The following ZNFX1 variants were observed in gnomAD, a reference collection of about 807,000 sequenced individuals.
ZNFX1 encodes the protein NFX1-type zinc finger-containing protein 1.
Under a neutral mutation model 179.8 loss-of-function variants are expected in ZNFX1, and 78 were observed. The ratio of observed to expected loss-of-function variants is 0.43; its 90% confidence interval spans 0.36 to 0.52. The LOEUF (loss-of-function observed/expected upper bound fraction) is 0.52, where lower values mean the gene tolerates loss of function less well. Ranked by LOEUF, ZNFX1 falls within the 20% of genes least tolerant of loss-of-function variation. The pLI is 0.00. For missense variants in ZNFX1, 1,927 were observed against 2,386.6 expected (o/e 0.81, Z 4.01); for synonymous variants, 848 against 868.5 (o/e 0.98, Z 0.42).
In ZNFX1 at chr20:49,248,715, T is replaced by G. The variant is rs1980747189; in HGVS notation, c.4309A>C (p.Thr1437Pro). 1 of 1,612,788 alleles carries G rather than the reference T, an allele frequency of 6.2e-7. No individual in the cohort carries two copies. Among genetic ancestry groups the G allele is most frequent in the Non-Finnish European group, 8.5e-7 (1 of 1,180,036 alleles). ...LLVKCTTKCG[T>P]ILDCGHPCPG... ...CAAGGATGCCCGCAGTCCAAGATAGTGCCACACTTTGTGGTACACTTGACT... is the reference window on the plus strand; with the variant it reads ...CAAGGATGCCCGCAGTCCAAGATAGGGCCACACTTTGTGGTACACTTGACT... Residue 1437 changes from threonine (T) to proline (P), a missense_variant, in exon 14 of 14, where the codon ACT becomes CCT. By Grantham distance (38) the Thr-to-Pro change is conservative. Coordinates refer to ENST00000396105, the MANE Select transcript of ZNFX1 (RefSeq NM_021035.3). The surrounding 1 kb of genome is among the most constrained non-coding windows in gnomAD (Gnocchi z 4.6).
At chr20:49,260,855 C>T (rs1981096324) in intron 6 of ZNFX1, among the ~76,000 whole-genome samples, 1 of 151,886 alleles carries the variant, frequency 6.6e-6, no homozygotes, top group Admixed American at 6.6e-5. Context: ...CTGAGGCAGG[C>T]GGATCACCTG....
At chr20:49,273,325 G>A (rs1354081086) in intron 2 of ZNFX1, among the ~76,000 whole-genome samples, 1 of 151,792 alleles carries the variant, frequency 6.6e-6, no homozygotes, top group Non-Finnish European at 1.5e-5. Flanking sequence ...GTAGAGATGG[G>A]GTTTCACCAT....
chr20:49,257,323 G>T (rs1980992303), intron 8 of ZNFX1, 94 bp downstream of exon 8: 1 of 1,528,632 alleles, frequency 6.5e-7, no homozygotes, highest in South Asian at 1.2e-5. Context: ...TTAGCTAATT[G>T]TAATGGTGAA....
In ZNFX1 at chr20:49,248,615, A is replaced by G. The variant is rs2146727301; in HGVS notation, c.4409T>C (p.Ile1470Thr). The stretch of plus-strand genomic sequence containing the variant: ...TGGTTCCTGGCACTTGTGTGAGCAG[A>G]TAAGCAGGCGCTTGCAGGGCTGCTG... ...RCQQPCKRLL[I>T]CSHKCQEPCI... Residue 1470 changes from isoleucine (I) to threonine (T), a missense_variant, in exon 14 of 14, where the codon ATC (isoleucine) becomes ACC (threonine). Ile to Thr is a moderately conservative substitution (Grantham distance 89). Coordinates refer to ENST00000396105, the MANE Select transcript of ZNFX1 (RefSeq NM_021035.3). This position sits in a 1 kb window ranked among gnomAD's most constrained non-coding sequence, Gnocchi z 4.6. 1 of 1,614,110 alleles carries G rather than the reference A, an allele frequency of 6.2e-7. No homozygotes were observed. The highest frequency in any genetic ancestry group is 2.2e-5 in the East Asian group (1 of 44,880).
In ZNFX1 at chr20:49,247,015, C is replaced by T; in HGVS notation, c.*252G>A. The stretch of plus-strand genomic sequence containing the variant: ...TCCCAAGTAGCTGGGATTACAGGCG[C>T]CCGCCATAACGCCCAGCTAATTTTT... On this transcript the variant is annotated 3_prime_UTR_variant, in exon 14 of 14. Transcript: ENST00000396105. 1 of 461,878 alleles carries T rather than the reference C, an allele frequency of 2.2e-6. No individual in the cohort carries two copies. Among genetic ancestry groups the T allele is most frequent in the African/African-American group, 2.0e-5 (1 of 50,290 alleles). 28.6% of individuals were successfully genotyped at this position (461,878 alleles called of 1,614,324 possible).
In ZNFX1 at chr20:49,270,239, C is replaced by A; in HGVS notation, c.1573G>T (p.Val525Phe). ...TGGAAGGGAACATCTTCCTCCTGGA[C>A]CTCCTGGAGTCCTTCCAGGACGTGC... ...YRHVLEGLQE[V>F]QEEDVPFQRN... The change falls in exon 3 of 14, where the codon GTC (valine) becomes TTC (phenylalanine). Residue 525 changes from valine (V) to phenylalanine (F), a missense_variant. Physicochemically the swap from Val to Phe is conservative, Grantham distance 50. Coordinates refer to ENST00000396105, the MANE Select transcript of ZNFX1 (RefSeq NM_021035.3). This position sits in a 1 kb window ranked among gnomAD's most constrained non-coding sequence, Gnocchi z 4.6. 1.2e-6 allele frequency: 2 copies of A among 1,614,052 alleles called. No homozygotes were observed. Among genetic ancestry groups the A allele is most frequent in the Non-Finnish European group, 1.7e-6 (2 of 1,180,032 alleles).
At chr20:49,261,277 T>C (rs1168405871) in intron 6 of ZNFX1, among the ~76,000 whole-genome samples, 1 of 152,076 alleles carries the variant, frequency 6.6e-6, no homozygotes, top group African/African-American at 2.4e-5. Context: ...TAGGCTGTAC[T>C]ATTCACAACA....
chr20:49,262,396 GA>G (rs1981135429), intron 6 of ZNFX1, among the ~76,000 whole-genome samples: 1 of 121,092 alleles, frequency 8.3e-6, no homozygotes, highest in Admixed American at 1.0e-4. Context: ...GAGAGAGTGA[GA>G]ACTCTGTCTC....
In ZNFX1 at chr20:49,248,136, G is replaced by C; in HGVS notation, c.4888C>G (p.Leu1630Val). Residue 1630 changes from leucine to valine, a missense_variant, in exon 14 of 14, where the codon CTG becomes GTG. By Grantham distance (32) the Leu-to-Val change is conservative. Transcript: ENST00000396105. This position sits in a 1 kb window ranked among gnomAD's most constrained non-coding sequence, Gnocchi z 4.6. ...PICQVPIRKN[L>V]RYGTSIKQRL... ...TGTTTTATGCTAGTTCCATACCTCA[G>C]GTTTTTGCGGATGGGCACCTGGCAG... 6.2e-7 allele frequency: 1 copy of C among 1,614,134 alleles called. No homozygotes were observed. The highest frequency in any genetic ancestry group is 8.5e-7 in the Non-Finnish European group (1 of 1,180,020).
chr20:49,263,514 G>A (rs1459686598), intron 5 of ZNFX1, 31 bp from the exon 6 acceptor site: 1 of 1,554,216 alleles, frequency 6.4e-7, no homozygotes, highest in Non-Finnish European at 8.7e-7. Context: ...GAAATGATGA[G>A]GAAATATCAT....
chr20:49,260,144 C>T (rs563996349), intron 7 of ZNFX1, among the ~76,000 whole-genome samples: 3 of 152,068 alleles, frequency 2.0e-5, no homozygotes, highest in South Asian at 2.1e-4. Flanking sequence ...ATTAGCTGCG[C>T]GTGGTGGCAC....
At chr20:49,253,836 G>C (rs548280847) in intron 10 of ZNFX1, 25 bp from the exon 11 acceptor site, 22 of 1,612,198 alleles carry the variant, frequency 1.4e-5, no homozygotes, top group African/African-American at 5.3e-5. Flanking sequence ...GAAGAGAAAG[G>C]CTCCTCTGAG....
Position 49,247,352 on chromosome 20 carries a change from G to A in ZNFX1, c.5672C>T (p.Ser1891Phe), listed in dbSNP as rs746078834. 9.9e-6 allele frequency: 16 copies of A among 1,614,070 alleles called. No individual in the cohort carries two copies. In the African/African-American group the frequency reaches 1.7e-4, roughly 18 times the overall value. The change falls in exon 14 of 14, where the codon TCT (serine) becomes TTT (phenylalanine). Residue 1891 changes from serine (S) to phenylalanine (F), a missense_variant. Coordinates refer to ENST00000396105, the MANE Select transcript of ZNFX1 (RefSeq NM_021035.3). The part of the protein sequence containing the change: ...HTLERSNQLA[S>F]EMDGAQHAAW... ...AGCATGCTGGGCTCCATCCATTTCA[G>A]AAGCAAGCTGGTTGCTTCTTTCCAG...
rs1459974535 is a variant in ZNFX1, at chr20:49,260,578, C to T, written c.2302-1G>A. 2 of 1,594,636 alleles carry T rather than the reference C, an allele frequency of 1.3e-6. No individual in the cohort carries two copies. Among genetic ancestry groups the T allele is most frequent in the Non-Finnish European group, 8.6e-7 (1 of 1,168,140 alleles). ...GCTGGAAGCAAATCCATTCACTATCCTAAGGAAAGAAGAATGATCATTTGT... is the reference window on the plus strand; with the variant it reads ...GCTGGAAGCAAATCCATTCACTATCTTAAGGAAAGAAGAATGATCATTTGT... On this transcript the variant is annotated splice_acceptor_variant, in intron 6 of 13. Transcript: ENST00000396105. LOFTEE classifies it high-confidence loss of function.
intron 3 of ZNFX1, among the ~76,000 whole-genome samples, chr20:49,266,635 T>C (rs1981239411): frequency 6.6e-6 from 1 of 151,906 alleles, no homozygotes; most frequent in African/African-American, 2.4e-5. Flanking sequence ...AAGGTCATTC[T>C]CTATCAATAC....
chr20:49,260,443 G>C lies in ZNFX1; in HGVS notation c.2416+20C>G, dbSNP rs1981086143. On this transcript the variant is annotated intron_variant, in intron 7 of 13. Transcript: ENST00000396105. ...TATTCTACGTTAAGATTTGATTCTA[G>C]GAAGACATGCACTTCTTACCTGTAT... is the stretch of plus-strand genomic sequence containing the variant. 1 of 1,538,780 alleles carries C rather than the reference G, an allele frequency of 6.5e-7. No individual in the cohort carries two copies. Among genetic ancestry groups the C allele is most frequent in the Non-Finnish European group, 8.9e-7 (1 of 1,117,356 alleles).
intron 9 of ZNFX1, among the ~76,000 whole-genome samples, chr20:49,255,478 T>A: frequency 7.8e-6 from 1 of 128,216 alleles, no homozygotes; most frequent in Admixed American, 8.0e-5. Context: ...TGAGTCATTG[T>A]GCCTGTTACC....
Position 49,249,152 on chromosome 20 carries a change from G to A in ZNFX1, c.3872C>T (p.Pro1291Leu), listed in dbSNP as rs1256432428. The change falls in exon 14 of 14, where the codon CCC becomes CTC. Residue 1291 changes from proline (P) to leucine (L), a missense_variant. Transcript: ENST00000396105. ...CCCACAGCCCAGGCGGAACTCGCAG[G>A]GCAGGCTGCAGCCTCCTTCGGGTAC... ...QKVPEGGCSLPCEFRLGCGHV... is the reference protein window; with the variant it reads ...QKVPEGGCSLLCEFRLGCGHV... 1 of 1,614,104 alleles carries A rather than the reference G, an allele frequency of 6.2e-7. No individual in the cohort carries two copies. The highest frequency in any genetic ancestry group is 1.3e-5 in the African/African-American group (1 of 74,940).
chr20:49,273,961 C>T (rs1318770815), intron 2 of ZNFX1, among the ~76,000 whole-genome samples: 1 of 152,166 alleles, frequency 6.6e-6, no homozygotes, highest in Non-Finnish European at 1.5e-5. Flanking sequence ...ACATAGCTCA[C>T]AAGAGCCCAT....
Sources: gnomAD v4.1 joint callset for allele counts (sites outside exome capture counted in the v4.1 genomes callset) on GRCh38, gnomAD v4.1.1 for gene constraint, Gnocchi (gnomAD v3.1) non-coding constraint, MANE v1.5 for transcripts, NCBI Gene and HGNC (gene_info 2026-07-23, HGNC 2026-07-21) for gene names.